Variants in BMP8A observed in about 807,000 individuals in gnomAD.
BMP8A encodes the protein bone morphogenetic protein 8a.
Under a neutral mutation model 36.8 loss-of-function variants are expected in BMP8A, and 14 were observed. The observed-to-expected ratio is 0.38, with a 90% CI of 0.25 to 0.60. BMP8A has a LOEUF of 0.60. Among genes scored for constraint, BMP8A ranks in the 20% least tolerant of loss-of-function variants. The pLI is 0.63. For missense variants in BMP8A, 267 were observed against 551.1 expected (o/e 0.48, Z 5.16); for synonymous variants, 120 against 237.7 (o/e 0.50, Z 4.55).
chr1:39,513,446 CTTG>C (rs2124364616), intron 3 of BMP8A, among the ~76,000 whole-genome samples: 1 of 143,552 alleles, frequency 7.0e-6, no homozygotes, highest in South Asian at 2.1e-4. Context: ...CTGTGAGTGA[CTTG>C]TTGGTAGCAG....
At position 39,491,957 on chromosome 1, in the gene BMP8A, G is replaced by A; in HGVS notation, c.-35G>A. ...CCCCGGGCCCAGGGGCGGCGGCGGA[G>A]CTGATGTGCGCCCGCTGAGCGCCCC... On this transcript the variant is annotated 5_prime_UTR_variant, in exon 1 of 7. Coordinates refer to ENST00000331593, the MANE Select transcript of BMP8A (RefSeq NM_181809.4). 2 of 1,067,982 alleles carry A rather than the reference G, an allele frequency of 1.9e-6. No individual in the cohort carries two copies. The highest frequency in any genetic ancestry group is 2.3e-6 in the Non-Finnish European group (2 of 884,032). The allele number at this position is 1,067,982 out of a possible 1,614,324, so 66.2% of individuals were successfully genotyped here.
At chr1:39,511,107 AC>A in intron 1 of BMP8A, 66 bp from the exon 2 acceptor site, 1 of 1,545,456 alleles carries the variant, frequency 6.5e-7, no homozygotes, top group Non-Finnish European at 8.8e-7. Context: ...GGTGGCTCAC[AC>A]CAGCTCTGCC....
chr1:39,522,799 G>GCTGGGGAGGGCCA (rs1557695278), intron 5 of BMP8A, among the ~76,000 whole-genome samples: 1 of 139,136 alleles, frequency 7.2e-6, no homozygotes, highest in Non-Finnish European at 1.5e-5. Flanking sequence ...GGGGAGGGCC[G>GCTGGGGAGGGCCA]GCTGGGGAGG....
chr1:39,506,096 T>C (rs1383156458), intron 1 of BMP8A, among the ~76,000 whole-genome samples: 1 of 151,962 alleles, frequency 6.6e-6, no homozygotes, highest in Non-Finnish European at 1.5e-5. Context: ...CGTGTATTAA[T>C]AACATGGGGT....
chr1:39,523,648 G>T lies in BMP8A; in HGVS notation c.1059+531G>T, dbSNP rs901725176. The T allele has an allele frequency of 1.5e-4, 222 of 1,450,936 alleles. 3 individuals carry two copies. Among genetic ancestry groups the T allele is most frequent in the Middle Eastern group, 5.4e-4 (3 of 5,580 alleles). The allele number at this position is 1,450,936 out of a possible 1,614,324, so 89.9% of individuals were successfully genotyped here. A position where few individuals can be genotyped will look rare whatever the true frequency, so the allele number is the denominator to read the frequency against. ...CCCGCAGTTTCTCTCTTGGCTGTCT[G>T]TGTTTTCTCTGGATCCCCTGGCTTT... On this transcript the variant is annotated intron_variant, in intron 6 of 6. Coordinates refer to ENST00000331593, the MANE Select transcript of BMP8A (RefSeq NM_181809.4).
At position 39,529,629 on chromosome 1, in the gene BMP8A, A is replaced by T. The variant is rs75348928; in HGVS notation, c.*3831A>T. Among the ~76,000 whole-genome samples the T allele has an allele frequency of 6.6e-6, 1 of 152,208 alleles. No homozygotes were observed. The highest frequency in any genetic ancestry group is 2.4e-5 in the African/African-American group (1 of 41,436). On this transcript the variant is annotated 3_prime_UTR_variant, in exon 7 of 7. Coordinates refer to ENST00000331593, the MANE Select transcript of BMP8A (RefSeq NM_181809.4). Reference sequence around the variant, plus strand: ...AAAATGTTATCTGTGTGCTGGGGAAAATTTTGAAAATAACAAAAACCAGAA... The same window carrying T: ...AAAATGTTATCTGTGTGCTGGGGAATATTTTGAAAATAACAAAAACCAGAA...
chr1:39,527,439 T>A lies in BMP8A; in HGVS notation c.*1641T>A, dbSNP rs775632514. Among the ~76,000 whole-genome samples, 2 of 152,230 alleles carry A rather than the reference T, an allele frequency of 1.3e-5. No homozygotes were observed. The highest frequency in any genetic ancestry group is 4.8e-5 in the African/African-American group (2 of 41,466). Reference sequence around the variant, plus strand: ...GCCCGCCCCATCCACAGGCACAGCCTGGCAGAGTGGTTCCACCTCCCCATG... The same window carrying A: ...GCCCGCCCCATCCACAGGCACAGCCAGGCAGAGTGGTTCCACCTCCCCATG... On this transcript the variant is annotated 3_prime_UTR_variant, in exon 7 of 7. Transcript: ENST00000331593.
chr1:39,501,604 T>C (rs2124326460), intron 1 of BMP8A, among the ~76,000 whole-genome samples: 1 of 152,284 alleles, frequency 6.6e-6, no homozygotes, highest in South Asian at 2.1e-4. Context: ...TGATCTCAGC[T>C]CACTGCAACC....
At chr1:39,498,681 T>C (rs1324212952) in intron 1 of BMP8A, among the ~76,000 whole-genome samples, 1 of 152,088 alleles carries the variant, frequency 6.6e-6, no homozygotes, top group African/African-American at 2.4e-5. Flanking sequence ...CGCCCTCCCT[T>C]GGCCTGCAGA....
At chr1:39,517,865 G>A (rs1645405186) in intron 3 of BMP8A, among the ~76,000 whole-genome samples, 1 of 152,278 alleles carries the variant, frequency 6.6e-6, no homozygotes, top group South Asian at 2.1e-4. Context: ...ATCTGTGTGT[G>A]GCCAAAGGCT....
intron 3 of BMP8A, among the ~76,000 whole-genome samples, chr1:39,514,328 A>T: frequency 9.9e-6 from 1 of 100,972 alleles, no homozygotes; most frequent in East Asian, 3.1e-4. Flanking sequence ...GGAGTGGGGG[A>T]GGTGGAGAGG....
chr1:39,517,429 T>G (rs1218961682), intron 3 of BMP8A, among the ~76,000 whole-genome samples: 6 of 151,882 alleles, frequency 4.0e-5, no homozygotes, highest in Non-Finnish European at 7.4e-5. Context: ...AATTCTCATG[T>G]CTCAGCCTCT....
intron 6 of BMP8A, chr1:39,525,203 C>G (rs908074696): frequency 1.8e-5 from 3 of 169,996 alleles, no homozygotes; most frequent in Non-Finnish European, 3.8e-5. Context: ...CTCCCAGAGC[C>G]TGGGGAGGGA....
At position 39,511,117 on chromosome 1, in the gene BMP8A, C is replaced by A. The variant is rs1257824759; in HGVS notation, c.335-57C>A. 6.6e-6 allele frequency: 10 copies of A among 1,515,032 alleles called. 1 individual carries two copies. Among genetic ancestry groups the A allele is most frequent in the Non-Finnish European group, 9.0e-7 (1 of 1,115,258 alleles). 93.8% of individuals were successfully genotyped at this position (1,515,032 alleles called of 1,614,324 possible). On this transcript the variant is annotated intron_variant, in intron 1 of 6. Transcript: ENST00000331593. Reference sequence around the variant, plus strand: ...GGGGCGGTGGCTCACACCAGCTCTGCCCCCTCCAGAGCCCGAGCCATTCTG... The same window carrying A: ...GGGGCGGTGGCTCACACCAGCTCTGACCCCTCCAGAGCCCGAGCCATTCTG...
intron 3 of BMP8A, chr1:39,515,181 G>A (rs1267620807): frequency 7.1e-6 from 11 of 1,544,166 alleles, no homozygotes; most frequent in South Asian, 1.2e-5. Context: ...CCTGATCGCC[G>A]CGCTGCTCAG....
At chr1:39,501,607 C>T (rs1645254250) in intron 1 of BMP8A, among the ~76,000 whole-genome samples, 1 of 152,184 alleles carries the variant, frequency 6.6e-6, no homozygotes, top group Admixed American at 6.6e-5. Flanking sequence ...TCTCAGCTCA[C>T]TGCAACCTCT....
In BMP8A at chr1:39,524,342, T is replaced by G. The variant is rs1645460921; in HGVS notation, c.1059+1225T>G. Among the ~76,000 whole-genome samples, 1 of 152,084 alleles carries G rather than the reference T, an allele frequency of 6.6e-6. No homozygotes were observed. Among genetic ancestry groups the G allele is most frequent in the African/African-American group, 2.4e-5 (1 of 41,426 alleles). On this transcript the variant is annotated intron_variant, in intron 6 of 6. Coordinates refer to ENST00000331593, the MANE Select transcript of BMP8A (RefSeq NM_181809.4). This position sits in a 1 kb window ranked among gnomAD's most constrained non-coding sequence, Gnocchi z 4.0. ...AGCCTACAGGGCAGCAAACAGGCAC[T>G]GTGCTCTAGGGGAGGCTGTCGGTGG...
At chr1:39,509,097 G>A (rs1645328094) in intron 1 of BMP8A, among the ~76,000 whole-genome samples, 2 of 152,318 alleles carry the variant, frequency 1.3e-5, no homozygotes, top group Admixed American at 1.3e-4. Flanking sequence ...AAGTCAGCAT[G>A]TGGTCTGCCA....
At chr1:39,515,719 T>C in intron 3 of BMP8A, 1 of 1,576,224 alleles carries the variant, frequency 6.3e-7, no homozygotes, top group Non-Finnish European at 8.7e-7. Context: ...ACATCCACGT[T>C]CCTAACATTT....
Sources: allele counts gnomAD v4.1 joint callset (sites outside exome capture counted in the v4.1 genomes callset), GRCh38; gene constraint gnomAD v4.1.1; non-coding constraint Gnocchi (gnomAD v3.1); transcripts MANE v1.5; gene names NCBI Gene and HGNC (gene_info 2026-07-23, HGNC 2026-07-21).